The following SH3PXD2A variants were observed in gnomAD, a reference collection of about 807,000 sequenced individuals.
SH3PXD2A encodes the protein SH3 and PX domain-containing protein 2A.
In SH3PXD2A, 32 loss-of-function variants were observed where a neutral mutation model predicts 115.2. The ratio of observed to expected loss-of-function variants is 0.28; its 90% CI spans 0.21 to 0.37. SH3PXD2A has a LOEUF of 0.37. Among genes scored for constraint, SH3PXD2A ranks in the 10% least tolerant of loss-of-function variants. The pLI, the probability that SH3PXD2A is intolerant of heterozygous loss-of-function variation, is 1.00. For missense variants in SH3PXD2A, 1,328 were observed against 1,498.7 expected (o/e 0.89, Z 1.88); for synonymous variants, 610 against 629.1 (o/e 0.97, Z 0.45).
chr10:103,828,361 C>T (rs2039451835), intron 1 of SH3PXD2A, among the ~76,000 whole-genome samples: 1 of 152,180 alleles, frequency 6.6e-6, no homozygotes, highest in African/African-American at 2.4e-5. Context: ...CTCAAATGAG[C>T]TTCCCCAAGC....
At chr10:103,660,847 G>T in intron 8 of SH3PXD2A, 136 bp downstream of exon 8, 1 of 976,672 alleles carries the variant, frequency 1.0e-6, no homozygotes. Flanking sequence ...GGAAACTTCA[G>T]CCGCCTCGGC....
chr10:103,767,027 G>C lies in SH3PXD2A; in HGVS notation c.229+67C>G, dbSNP rs767146651. 745 of 1,214,120 alleles carry C rather than the reference G, an allele frequency of 6.1e-4. 4 individuals are homozygous for C. The highest frequency in any genetic ancestry group is 7.0e-4 in the Non-Finnish European group (579 of 823,468). 75.2% of individuals were successfully genotyped at this position (1,214,120 alleles called of 1,614,324 possible). A position where few individuals can be genotyped will look rare whatever the true frequency, so the allele number is the denominator to read the frequency against. ...GAATCTGCTGCTTAGTACTCTTCTCGGCCTAAGGGAAGGACTGGTCCTTCC... is the reference window on the plus strand; with the variant it reads ...GAATCTGCTGCTTAGTACTCTTCTCCGCCTAAGGGAAGGACTGGTCCTTCC... On this transcript the variant is annotated intron_variant, in intron 3 of 14. Transcript: ENST00000369774.
chr10:103,855,261 G>A lies in SH3PXD2A; in HGVS notation c.6C>T (p.Leu2=). 1.3e-6 allele frequency: 2 copies of A among 1,519,228 alleles called. No homozygotes were observed. Among genetic ancestry groups the A allele is most frequent in the Admixed American group, 2.1e-5 (1 of 46,988 alleles). The allele number at this position is 1,519,228 out of a possible 1,614,324, so 94.1% of individuals were successfully genotyped here. M[L]AYCVQDATVV... The stretch of plus-strand genomic sequence containing the variant: ...CGGTGGCATCCTGCACGCAGTAGGC[G>A]AGCATCTTCCCCCACAAAGCGAGTG... Residue 2 remains leucine, a synonymous_variant, in exon 1 of 15, where the codon CTC becomes CTT. Coordinates refer to ENST00000369774, the MANE Select transcript of SH3PXD2A (RefSeq NM_001394015.1).
At chr10:103,611,461 G>T in intron 13 of SH3PXD2A, 120 bp downstream of exon 13, 1 of 923,422 alleles carries the variant, frequency 1.1e-6, no homozygotes. Context: ...AGAAGCCCCA[G>T]CAGGGCTCTG....
At chr10:103,762,522 C>G (rs1271162342) in intron 3 of SH3PXD2A, among the ~76,000 whole-genome samples, 21 of 152,312 alleles carry the variant, frequency 1.4e-4, no homozygotes. Context: ...TTGCCCCCAC[C>G]ACCACTCTTC....
intron 3 of SH3PXD2A, chr10:103,755,266 C>T (rs186296894): frequency 2.6e-5 from 4 of 152,292 alleles, no homozygotes; most frequent in South Asian, 2.1e-4. Context: ...AAATCACAAT[C>T]GTGTGCTGAG....
chr10:103,839,416 C>T (rs2039575675), intron 1 of SH3PXD2A, among the ~76,000 whole-genome samples: 1 of 152,238 alleles, frequency 6.6e-6, no homozygotes, highest in African/African-American at 2.4e-5. Context: ...ATTCCAGTCA[C>T]TGAGCTCTTG....
intron 7 of SH3PXD2A, among the ~76,000 whole-genome samples, chr10:103,667,587 A>G (rs1193917629): frequency 6.6e-6 from 1 of 150,856 alleles, no homozygotes; most frequent in African/African-American, 2.4e-5. Context: ...TCTCCTCTGG[A>G]CTCCTCCCAA....
intron 2 of SH3PXD2A, among the ~76,000 whole-genome samples, chr10:103,779,736 G>A (rs1387685620): frequency 3.9e-5 from 6 of 152,152 alleles, no homozygotes; most frequent in South Asian, 2.1e-4. Flanking sequence ...GTGACACTCC[G>A]CAGAGAAGGA....
chr10:103,645,585 T>A (rs1018717371), intron 8 of SH3PXD2A, among the ~76,000 whole-genome samples: 1 of 152,110 alleles, frequency 6.6e-6, no homozygotes, highest in Non-Finnish European at 1.5e-5. Flanking sequence ...CTTACAGGAA[T>A]GGAAGATCAA....
rs3068820 is a variant in SH3PXD2A, at chr10:103,771,738, A to AACACACACACACACAC, written c.154-4585_154-4570dup. ...CAACAGAGCGAGACTCCGTCAAAAC[A>AACACACACACACACAC]ACACACACACACACACACACACACA... On this transcript the variant is annotated intron_variant, in intron 2 of 14. Transcript: ENST00000369774. Among the ~76,000 whole-genome samples, 31 of 143,094 alleles carry AACACACACACACACAC rather than the reference A, an allele frequency of 2.2e-4. 1 individual carries two copies. The highest frequency in any genetic ancestry group is 3.6e-3 in the Middle Eastern group (1 of 276). 93.9% of individuals were successfully genotyped at this position (143,094 alleles called of 152,430 possible). A position where few individuals can be genotyped will look rare whatever the true frequency, so the allele number is the denominator to read the frequency against.
chr10:103,776,109 G>A (rs1039029450), intron 2 of SH3PXD2A, among the ~76,000 whole-genome samples: 8 of 152,156 alleles, frequency 5.3e-5, no homozygotes, highest in Middle Eastern at 3.4e-3. Flanking sequence ...GTGTATAGCC[G>A]GACACCGTGG....
intron 3 of SH3PXD2A, among the ~76,000 whole-genome samples, chr10:103,747,399 G>A (rs1187510290): frequency 6.6e-6 from 1 of 152,142 alleles, no homozygotes; most frequent in African/African-American, 2.4e-5. Flanking sequence ...GGAATAAAGG[G>A]CCCCATTCAG....
At chr10:103,671,607 C>T (rs2037460694) in intron 6 of SH3PXD2A, among the ~76,000 whole-genome samples, 1 of 152,200 alleles carries the variant, frequency 6.6e-6, no homozygotes, top group African/African-American at 2.4e-5. Context: ...AGCAAGCTCT[C>T]GAGGGGTGGG....
In SH3PXD2A at chr10:103,603,603, T is replaced by G. The variant is rs975966157; in HGVS notation, c.1615A>C (p.Thr539Pro). 2 of 1,606,230 alleles carry G rather than the reference T, an allele frequency of 1.2e-6. No homozygotes were observed. The highest frequency in any genetic ancestry group is 2.7e-5 in the African/African-American group (2 of 74,758). Residue 539 changes from threonine (T) to proline (P), a missense_variant, in exon 15 of 15, where the codon ACG (threonine) becomes CCG (proline). Thr to Pro is a conservative substitution (Grantham distance 38). This residue lies in a region of SH3PXD2A where 509 missense variants were observed against 628.3 expected (regional missense o/e 0.81). Coordinates refer to ENST00000369774, the MANE Select transcript of SH3PXD2A (RefSeq NM_001394015.1). ...SKPKEAEEGP[T>P]GASESQDSPR... Reference sequence around the variant, plus strand: ...GAGTCCTGGCTCTCACTGGCCCCCGTAGGGCCCTCCTCGGCCTCCTTGGGC... The same window carrying G: ...GAGTCCTGGCTCTCACTGGCCCCCGGAGGGCCCTCCTCGGCCTCCTTGGGC...
chr10:103,815,888 C>CAAA (rs749050851), intron 1 of SH3PXD2A, among the ~76,000 whole-genome samples: 29 of 110,138 alleles, frequency 2.6e-4, no homozygotes, highest in Admixed American at 1.3e-3. Context: ...GACTCCATCT[C>CAAA]AAAAAAAAAA....
At chr10:103,651,834 C>T (rs1408238657) in intron 8 of SH3PXD2A, among the ~76,000 whole-genome samples, 1 of 152,232 alleles carries the variant, frequency 6.6e-6, no homozygotes, top group African/African-American at 2.4e-5. Flanking sequence ...ACCCTCCTGG[C>T]AGGAGTGTGG....
chr10:103,631,972 C>T (rs538323039), intron 8 of SH3PXD2A, among the ~76,000 whole-genome samples: 8 of 152,044 alleles, frequency 5.3e-5, no homozygotes, highest in Non-Finnish European at 1.0e-4. Context: ...ATGTTAATAG[C>T]GCACGGTTCT....
At chr10:103,650,178 C>T (rs1264875431) in intron 8 of SH3PXD2A, among the ~76,000 whole-genome samples, 4 of 49,562 alleles carry the variant, frequency 8.1e-5, no homozygotes, top group East Asian at 4.8e-4. Context: ...AGCTCAGCAG[C>T]GGCAGCAGCT....
Sources: gnomAD v4.1 joint callset for allele counts (sites outside exome capture counted in the v4.1 genomes callset) on GRCh38, gnomAD v4.1.1 for gene constraint, gnomAD v4.1.1 regional missense constraint, MANE v1.5 for transcripts, NCBI Gene and HGNC (gene_info 2026-07-23, HGNC 2026-07-21) for gene names.